Variants in RGS3 observed in about 807,000 individuals in gnomAD.
RGS3 encodes regulator of G protein signaling 3.
RGS3 carries 80 observed loss-of-function variants against 132.6 expected under a neutral mutation model. The observed-to-expected ratio is 0.60, with a 90% CI of 0.50 to 0.73. RGS3 has a LOEUF of 0.73. Among genes scored for constraint, RGS3 ranks in the 30% least tolerant of loss-of-function variants. The pLI is 0.00. For missense variants in RGS3, 1,382 were observed against 1,530.8 expected (o/e 0.90, Z 1.62); for synonymous variants, 598 against 620.6 (o/e 0.96, Z 0.54).
intron 3 of RGS3, 54 bp from the exon 2 acceptor site, chr9:113,479,437 C>T (rs1830091626): frequency 1.9e-6 from 3 of 1,564,690 alleles, no homozygotes; most frequent in Non-Finnish European, 2.6e-6. Flanking sequence ...TAGTTTTTTC[C>T]ACCACACCCA....
rs758094921 is a variant in RGS3, at chr9:113,517,622, G to A, written c.1756G>A (p.Glu586Lys). ...GTATGAAGGGAGGAACAAGGCTGCCGAGGTAAGACTTTCACCTGCATTTTT... is the reference window on the plus strand; with the variant it reads ...GTATGAAGGGAGGAACAAGGCTGCCAAGGTAAGACTTTCACCTGCATTTTT... Residue 586 changes from glutamate (E) to lysine (K), a missense_variant and splice_region_variant, in exon 16 of 25, where the codon GAG becomes AAG. Coordinates refer to ENST00000350696, the Ensembl canonical transcript of RGS3. 3.2e-5 allele frequency: 52 copies of A among 1,613,126 alleles called. No individual in the cohort carries two copies. The highest frequency in any genetic ancestry group is 3.6e-5 in the Non-Finnish European group (42 of 1,179,724).
intron 1 of RGS3, among the ~76,000 whole-genome samples, chr9:113,451,527 C>T (rs1829245615): frequency 6.6e-6 from 1 of 152,194 alleles, no homozygotes; most frequent in Admixed American, 6.5e-5. Flanking sequence ...TTAGACTACA[C>T]ATATCTATAT....
chr9:113,497,892 C>G, intron 9 of RGS3, 133 bp from the exon 8 acceptor site: 2 of 804,648 alleles, frequency 2.5e-6, no homozygotes, highest in South Asian at 1.5e-5. Flanking sequence ...TCAGGTGTCC[C>G]CACATCCTGA....
intron 3 of RGS3, chr9:113,462,269 CAT>C (rs1032860715): frequency 3.5e-4 from 264 of 753,016 alleles, no homozygotes; most frequent in Non-Finnish European, 3.6e-4. Context: ...CAGTGTTCAC[CAT>C]GTGTGTGTGT....
At chr9:113,581,981 C>G (rs1242645187) in intron 19 of RGS3, 1 of 974,266 alleles carries the variant, frequency 1.0e-6, no homozygotes, top group Non-Finnish European at 1.2e-6. Context: ...ACCTTCTCTG[C>G]TCTGCAGGGC....
intron 7 of RGS3, among the ~76,000 whole-genome samples, chr9:113,494,996 TC>T (rs1345611378): frequency 6.6e-6 from 1 of 152,168 alleles, no homozygotes; most frequent in African/African-American, 2.4e-5. Flanking sequence ...TGCCTCAGCC[TC>T]CTGAGTAGCT....
At chr9:113,481,853 C>T (rs1234334127) in intron 4 of RGS3, among the ~76,000 whole-genome samples, 1 of 152,118 alleles carries the variant, frequency 6.6e-6, no homozygotes, top group Admixed American at 6.5e-5. Flanking sequence ...TCGAGACCAG[C>T]CTGACTAACA....
At chr9:113,500,844 C>G (rs908685669) in intron 10 of RGS3, among the ~76,000 whole-genome samples, 1 of 152,022 alleles carries the variant, frequency 6.6e-6, no homozygotes, top group African/African-American at 2.4e-5. Flanking sequence ...CCTGCCACCA[C>G]GCCCAGCTAA....
chr9:113,565,536 A>C lies in RGS3; in HGVS notation c.2038-17914A>C. 4.6e-6 allele frequency: 2 copies of C among 439,376 alleles called. No homozygotes were observed. Among genetic ancestry groups the C allele is most frequent in the South Asian group, 2.0e-5 (1 of 50,064 alleles). 27.2% of individuals were successfully genotyped at this position (439,376 alleles called of 1,614,324 possible). A position where few individuals can be genotyped will look rare whatever the true frequency, so the allele number is the denominator to read the frequency against. ...CTAGCAGGTATCGCTCCCCTGGGGA[A>C]CTTGGGTAAGTCCATAAATAGCTCT... On this transcript the variant is annotated intron_variant, in intron 19 of 24. Coordinates refer to ENST00000350696, the Ensembl canonical transcript of RGS3. The surrounding 1 kb of genome is among the most constrained non-coding windows in gnomAD (Gnocchi z 5.7).
chr9:113,588,253 GATA>G (rs1392993720), intron 20 of RGS3, among the ~76,000 whole-genome samples: 26 of 152,360 alleles, frequency 1.7e-4, no homozygotes, highest in African/African-American at 6.3e-4. Context: ...GCTCCAAGAC[GATA>G]ATACCTTCAA....
chr9:113,559,984 G>T (rs1022355344), intron 19 of RGS3, among the ~76,000 whole-genome samples: 5 of 152,158 alleles, frequency 3.3e-5, no homozygotes, highest in Admixed American at 2.6e-4. Context: ...CATACACCAC[G>T]TCGTCTAGTC....
chr9:113,556,291 A>G (rs1833564285), intron 19 of RGS3, among the ~76,000 whole-genome samples: 1 of 152,144 alleles, frequency 6.6e-6, no homozygotes, highest in Non-Finnish European at 1.5e-5. Context: ...AAGTCCTTTC[A>G]GTCTGAAGAC....
chr9:113,555,966 T>C (rs1259426626), intron 19 of RGS3, among the ~76,000 whole-genome samples: 1 of 152,190 alleles, frequency 6.6e-6, no homozygotes, highest in African/African-American at 2.4e-5. Context: ...TGAGTAATTT[T>C]TCCAGAAAGG....
intron 7 of RGS3, among the ~76,000 whole-genome samples, chr9:113,488,734 G>T (rs1438004373): frequency 6.6e-6 from 1 of 152,252 alleles, no homozygotes; most frequent in African/African-American, 2.4e-5. Flanking sequence ...CACGGTCACA[G>T]TCCCAGCCCG....
intron 18 of RGS3, among the ~76,000 whole-genome samples, chr9:113,534,584 AAT>A (rs1209458352): frequency 6.6e-6 from 1 of 152,004 alleles, no homozygotes; most frequent in East Asian, 1.9e-4. Flanking sequence ...CAGGAAAAGA[AAT>A]CTGTACATAT....
intron 14 of RGS3, among the ~76,000 whole-genome samples, chr9:113,509,650 G>T (rs1436191511): frequency 1.3e-5 from 2 of 152,124 alleles, no homozygotes; most frequent in African/African-American, 2.4e-5. Context: ...AGTCCATCTG[G>T]TGTCTGGACC....
intron 18 of RGS3, among the ~76,000 whole-genome samples, chr9:113,533,389 C>A (rs546077174): frequency 6.6e-6 from 1 of 152,210 alleles, no homozygotes; most frequent in South Asian, 2.1e-4. Context: ...CACCACCATG[C>A]CTGGCTAATT....
At chr9:113,501,835 A>G (rs1001021177) in intron 10 of RGS3, among the ~76,000 whole-genome samples, 1 of 152,190 alleles carries the variant, frequency 6.6e-6, no homozygotes, top group Non-Finnish European at 1.5e-5. Flanking sequence ...AGTCCTAACC[A>G]CTGGCTGGGT....
chr9:113,516,922 C>T (rs1365159166), intron 15 of RGS3, among the ~76,000 whole-genome samples: 3 of 151,778 alleles, frequency 2.0e-5, no homozygotes, highest in Non-Finnish European at 4.4e-5. Context: ...TAGAAATATA[C>T]AGTCATAAGG....
Sources: gnomAD v4.1 joint callset for allele counts (sites outside exome capture counted in the v4.1 genomes callset) on GRCh38, gnomAD v4.1.1 for gene constraint, Gnocchi (gnomAD v3.1) non-coding constraint, MANE v1.5 for transcripts, NCBI Gene and HGNC (gene_info 2026-07-23, HGNC 2026-07-21) for gene names.